The following COTL1 variants were observed in gnomAD, a reference collection of about 807,000 sequenced individuals.
COTL1 encodes the protein coactosin like F-actin binding protein 1, also known as coactosin-like protein.
COTL1 carries 15 observed loss-of-function variants against 16.5 expected under a neutral mutation model. That is an observed-to-expected ratio of 0.91 (90% CI 0.61 to 1.40). The LOEUF (loss-of-function observed/expected upper bound fraction) is 1.40. Among genes scored for constraint, COTL1 ranks in the 40% most tolerant of loss-of-function variants. The pLI is 0.00. For missense variants in COTL1, 220 were observed against 201.5 expected (o/e 1.09, Z -0.56); for synonymous variants, 112 against 85.3 (o/e 1.31, Z -1.73).
At chr16:84,608,632 G>A (rs142319014) in intron 2 of COTL1, among the ~76,000 whole-genome samples, 103 of 152,326 alleles carry the variant, frequency 6.8e-4, no homozygotes, top group Non-Finnish European at 1.0e-3. Context: ...CCAGCCGGGC[G>A]GGGTGGCTCA....
chr16:84,595,055 G>A (rs1015012365), intron 2 of COTL1: 1 of 152,130 alleles, frequency 6.6e-6, no homozygotes, highest in Non-Finnish European at 1.5e-5. Flanking sequence ...ACAGATTCTT[G>A]TTGAAGAACC....
At chr16:84,574,891 C>T (rs1444854132) in intron 3 of COTL1, among the ~76,000 whole-genome samples, 1 of 152,186 alleles carries the variant, frequency 6.6e-6, no homozygotes, top group South Asian at 2.1e-4. Context: ...CCATTGAAAC[C>T]TGTCTCCACC....
chr16:84,600,512 C>T (rs1285837073), intron 2 of COTL1, among the ~76,000 whole-genome samples: 1 of 152,090 alleles, frequency 6.6e-6, no homozygotes, highest in African/African-American at 2.4e-5. Context: ...GGGCTTTCAC[C>T]GTGTTGGCCA....
rs1349499754 is a variant in COTL1, at chr16:84,565,905, C to T, written c.*940G>A. 6.6e-6 allele frequency: 1 copy of T among 152,308 alleles called. No individual in the cohort carries two copies. The highest frequency in any genetic ancestry group is 1.9e-4 in the East Asian group (1 of 5,198). The allele number at this position is 152,308 out of a possible 1,614,324, so 9.4% of individuals were successfully genotyped here. On this transcript the variant is annotated 3_prime_UTR_variant, in exon 4 of 4. Transcript: ENST00000262428. ...CGGCGGGCAGAGCAACCCTTCGGCC[C>T]AAGCCATCCTCGCAGCTTACACAGA...
rs1049189690 is a variant in COTL1 at position 84,578,939 on chromosome 16, ACACACAGGTG to A, written c.318+11156_318+11165del. On this transcript the variant is annotated intron_variant, in intron 3 of 3. Coordinates refer to ENST00000262428, the MANE Select transcript of COTL1 (RefSeq NM_021149.5). ...TGCATACACACAGATACATGCATGC[ACACACAGGTG>A]CACACAGGTATGCACACACATGCAC... Among the ~76,000 whole-genome samples the A allele has an allele frequency of 7.9e-4, 118 of 149,626 alleles. 1 individual carries two copies. Among genetic ancestry groups the A allele is most frequent in the South Asian group, 4.2e-3 (20 of 4,794 alleles).
chr16:84,614,195 G>GT (rs1311682020), intron 2 of COTL1, among the ~76,000 whole-genome samples: 5 of 152,228 alleles, frequency 3.3e-5, no homozygotes, highest in African/African-American at 1.2e-4. Context: ...CCCTCGCAAG[G>GT]TCTCTGACCA....
intron 2 of COTL1, among the ~76,000 whole-genome samples, chr16:84,606,799 T>A (rs1005522222): frequency 4.6e-5 from 7 of 152,208 alleles, no homozygotes; most frequent in Non-Finnish European, 8.8e-5. Context: ...CCCTCCATGT[T>A]CCTCTTAGGG....
At chr16:84,612,193 A>T (rs1207817208) in intron 2 of COTL1, among the ~76,000 whole-genome samples, 2 of 152,182 alleles carry the variant, frequency 1.3e-5, no homozygotes, top group African/African-American at 4.8e-5. Context: ...CCTCCTAATG[A>T]CCACACTGTA....
At chr16:84,585,785 T>A (rs747056013) in intron 3 of COTL1, among the ~76,000 whole-genome samples, 1 of 152,204 alleles carries the variant, frequency 6.6e-6, no homozygotes, top group Non-Finnish European at 1.5e-5. Flanking sequence ...GCAGTATAAA[T>A]GTAAGGTCTT....
intron 3 of COTL1, among the ~76,000 whole-genome samples, chr16:84,586,938 G>C (rs1597174007): frequency 6.6e-6 from 1 of 152,188 alleles, no homozygotes; most frequent in South Asian, 2.1e-4. Flanking sequence ...AGAATTGCAA[G>C]ATCTGCAATG....
chr16:84,573,501 G>A (rs926307431), intron 3 of COTL1, among the ~76,000 whole-genome samples: 16 of 152,302 alleles, frequency 1.1e-4, no homozygotes, highest in African/African-American at 3.8e-4. Context: ...ACAAAACTTG[G>A]GCCAGATGCA....
chr16:84,616,013 A>G (rs1672307563), intron 2 of COTL1: 1 of 152,188 alleles, frequency 6.6e-6, no homozygotes, highest in South Asian at 2.1e-4. Context: ...TCCCTGGCAC[A>G]ATTTTGTACT....
Position 84,593,527 on chromosome 16 carries a change from T to TTTC in COTL1, c.161-3266_161-3265insGAA, listed in dbSNP as rs10665662. 2.1e-3 allele frequency among the ~76,000 whole-genome samples: 321 copies of TTTC among 150,776 alleles called. 3 individuals carry two copies. The highest frequency in any genetic ancestry group is 0.014 in the Admixed American group (219 of 15,148). ...ACCATTTTAACCACTTTTTTTTTTT[T>TTTC]TGAGAAGGGAGTCTCGCTCCGTCGC... On this transcript the variant is annotated intron_variant, in intron 2 of 3. Coordinates refer to ENST00000262428, the MANE Select transcript of COTL1 (RefSeq NM_021149.5).
At chr16:84,596,597 T>A (rs1905010987) in intron 2 of COTL1, 1 of 152,320 alleles carries the variant, frequency 6.6e-6, no homozygotes, top group South Asian at 2.1e-4. Context: ...CACGCCATTA[T>A]CAATTCTGCC....
intron 2 of COTL1, chr16:84,616,446 T>A (rs1905486439): frequency 6.6e-6 from 1 of 152,082 alleles, no homozygotes; most frequent in African/African-American, 2.4e-5. Flanking sequence ...GAGGTTGCAG[T>A]TAGCTGAGAT....
At chr16:84,614,391 C>G (rs1027519270) in intron 2 of COTL1, among the ~76,000 whole-genome samples, 1 of 151,946 alleles carries the variant, frequency 6.6e-6, no homozygotes, top group Non-Finnish European at 1.5e-5. Flanking sequence ...CACCCCGTGG[C>G]CCTCTGGAAA....
At chr16:84,566,996 G>A (rs1904301787) in intron 3 of COTL1, 41 bp from the exon 4 acceptor site, 1 of 1,424,582 alleles carries the variant, frequency 7.0e-7, no homozygotes, top group Admixed American at 1.7e-5. Context: ...TATTAAGAAG[G>A]AAGGCACAGG....
At chr16:84,604,391 T>C (rs1597183447) in intron 2 of COTL1, among the ~76,000 whole-genome samples, 1 of 139,386 alleles carries the variant, frequency 7.2e-6, no homozygotes, top group African/African-American at 2.7e-5. Context: ...CTCATCCTCC[T>C]TTTTTCTTTA....
At chr16:84,603,577 G>A (rs1481293529) in intron 2 of COTL1, among the ~76,000 whole-genome samples, 1 of 139,198 alleles carries the variant, frequency 7.2e-6, no homozygotes, top group South Asian at 2.5e-4. Flanking sequence ...CACAGGAAGT[G>A]TTGGGAAGCG....
Sources: allele counts gnomAD v4.1 joint callset (sites outside exome capture counted in the v4.1 genomes callset), GRCh38; gene constraint gnomAD v4.1.1; transcripts MANE v1.5; gene names NCBI Gene and HGNC (gene_info 2026-07-23, HGNC 2026-07-21).